EP400: variants seen among roughly 807,000 people sequenced by gnomAD.
EP400 encodes E1A binding protein p400, also known as E1A-binding protein p400.
In EP400, 105 loss-of-function variants were observed where a neutral mutation model predicts 354.1. That is an observed-to-expected ratio of 0.30 (90% CI 0.25 to 0.35). The LOEUF is 0.35. Among genes scored for constraint, EP400 ranks in the 10% least tolerant of loss-of-function variants. The probability of loss-of-function intolerance (pLI) is 1.00; values close to 1 mark genes in which losing one functional copy is unlikely to be tolerated. For missense variants in EP400, 3,280 were observed against 4,121.0 expected (o/e 0.80, Z 5.59); for synonymous variants, 1,646 against 1,716.9 (o/e 0.96, Z 1.02).
intron 2 of EP400, among the ~76,000 whole-genome samples, chr12:131,966,308 C>T (rs996980217): frequency 2.0e-5 from 3 of 152,130 alleles, no homozygotes; most frequent in African/African-American, 7.2e-5. Context: ...CATGATGGCT[C>T]ATGCCTGTAG....
chr12:132,056,205 C>A (rs914001007), intron 45 of EP400, among the ~76,000 whole-genome samples: 1 of 152,112 alleles, frequency 6.6e-6, no homozygotes, highest in Non-Finnish European at 1.5e-5. Context: ...AAATAGTTCA[C>A]AGACCCAGGG....
intron 30 of EP400, among the ~76,000 whole-genome samples, chr12:132,033,562 C>T (rs1310124420): frequency 2.7e-5 from 4 of 147,988 alleles, no homozygotes; most frequent in Non-Finnish European, 6.0e-5. Context: ...TTTTTTGAGA[C>T]GGTCTGTTGC....
intron 32 of EP400, among the ~76,000 whole-genome samples, chr12:132,039,464 C>T (rs1894822639): frequency 6.6e-6 from 1 of 152,068 alleles, no homozygotes; most frequent in Non-Finnish European, 1.5e-5. Flanking sequence ...ACAGGACGAA[C>T]AGGGTGAGAC....
intron 15 of EP400, 38 bp downstream of exon 15, chr12:132,006,915 C>T: frequency 1.9e-6 from 3 of 1,610,854 alleles, no homozygotes; most frequent in Non-Finnish European, 2.5e-6. Context: ...TACCTATTTG[C>T]TAGGACTTAC....
chr12:132,022,017 T>G (rs562465245), intron 23 of EP400, among the ~76,000 whole-genome samples: 12 of 152,312 alleles, frequency 7.9e-5, no homozygotes, highest in Non-Finnish European at 1.5e-4. Context: ...TATAGCCAAA[T>G]TATGTGGAGG....
At chr12:132,069,751 G>A in intron 51 of EP400, 110 bp downstream of exon 51, 11 of 1,477,178 alleles carry the variant, frequency 7.4e-6, no homozygotes, top group East Asian at 2.3e-5. Context: ...TGCACTGGGT[G>A]GTGCACTGGA....
chr12:132,025,529 GT>G lies in EP400; in HGVS notation c.4856-116del, dbSNP rs1894275768. ...AACTGAACTTTGCATTGATTTTTTT[GT>G]GTAGATTTGATTTTCAGTTTGTCAA... On this transcript the variant is annotated intron_variant, in intron 24 of 52. Transcript: ENST00000389561. The surrounding 1 kb of genome is among the most constrained non-coding windows in gnomAD (Gnocchi z 4.1). 1 of 1,224,932 alleles carries G rather than the reference GT, an allele frequency of 8.2e-7. No individual in the cohort carries two copies. Among genetic ancestry groups the G allele is most frequent in the Admixed American group, 3.1e-5 (1 of 32,356 alleles). 75.9% of individuals were successfully genotyped at this position (1,224,932 alleles called of 1,614,324 possible). A position where few individuals can be genotyped will look rare whatever the true frequency, so the allele number is the denominator to read the frequency against.
At chr12:131,988,761 AT>A in intron 7 of EP400, among the ~76,000 whole-genome samples, 1 of 152,092 alleles carries the variant, frequency 6.6e-6, no homozygotes, top group Non-Finnish European at 1.5e-5. Flanking sequence ...TATCCTCCTC[AT>A]TACTGTGTCG....
chr12:131,967,572 C>G (rs182494674), intron 2 of EP400, among the ~76,000 whole-genome samples: 121 of 151,784 alleles, frequency 8.0e-4, no homozygotes, highest in African/African-American at 2.7e-3. Flanking sequence ...CCGCTGTAGT[C>G]CCAGCTACTT....
chr12:131,984,649 C>T (rs930831112), intron 5 of EP400, among the ~76,000 whole-genome samples: 12 of 152,144 alleles, frequency 7.9e-5, no homozygotes, highest in African/African-American at 2.7e-4. Context: ...ATTTAATTTA[C>T]CTGCCTGTGT....
At position 132,018,856 on chromosome 12, in the gene EP400, G is replaced by A. The variant is rs1325339652; in HGVS notation, c.4277+480G>A. 6.6e-6 allele frequency among the ~76,000 whole-genome samples: 1 copy of A among 152,214 alleles called. No homozygotes were observed. The highest frequency in any genetic ancestry group is 1.5e-5 in the Non-Finnish European group (1 of 68,036). On this transcript the variant is annotated intron_variant, in intron 21 of 52. Transcript: ENST00000389561. The surrounding 1 kb of genome is among the most constrained non-coding windows in gnomAD (Gnocchi z 4.0). ...TAAAACGAGATATAAATGACTCATA[G>A]TCTAAATCTAGCAATTGGAAATATC...
rs1319148692 is a variant in EP400, at chr12:132,027,528, C to T, written c.5106C>T (p.Thr1702=). The change falls in exon 26 of 53, where the codon ACC becomes ACT. Residue 1702 remains threonine, a synonymous_variant. Transcript: ENST00000389561. This position sits in a 1 kb window ranked among gnomAD's most constrained non-coding sequence, Gnocchi z 4.9. ...SKPASPIGGP[T]QEEKTRLLKE... ...CAGCTTCTCCCATTGGAGGGCCGAC[C>T]CAGGTAAGCACCTGAGCTTGAGACC... is the stretch of plus-strand genomic sequence containing the variant. The T allele has an allele frequency of 3.7e-6, 6 of 1,610,896 alleles. No individual in the cohort carries two copies. Among genetic ancestry groups the T allele is most frequent in the Non-Finnish European group, 5.1e-6 (6 of 1,178,302 alleles).
Position 131,982,334 on chromosome 12 carries a change from G to A in EP400, c.1785G>A (p.Lys595=), listed in dbSNP as rs200420978. ...EAQTQLQIPV[K]TQQPNVPIPA... ...AGACACAGCTCCAAATCCCGGTGAA[G>A]ACTCAGCAGCCCAATGTTCCCATCC... The change falls in exon 5 of 53, where the codon AAG becomes AAA. Residue 595 remains lysine (K), a synonymous_variant. Coordinates refer to ENST00000389561, the MANE Select transcript of EP400 (RefSeq NM_015409.5). 2.0e-5 allele frequency: 32 copies of A among 1,614,024 alleles called. No homozygotes were observed. Among genetic ancestry groups the A allele is most frequent in the Middle Eastern group, 1.6e-4 (1 of 6,084 alleles).
At chr12:131,993,216 G>A (rs938014314) in intron 11 of EP400, among the ~76,000 whole-genome samples, 1 of 152,070 alleles carries the variant, frequency 6.6e-6, no homozygotes, top group African/African-American at 2.4e-5. Flanking sequence ...GTAGAGATGG[G>A]GTTTCACCAT....
At chr12:132,046,803 C>T (rs1895112520) in intron 39 of EP400, among the ~76,000 whole-genome samples, 2 of 152,244 alleles carry the variant, frequency 1.3e-5, no homozygotes, top group Non-Finnish European at 2.9e-5. Flanking sequence ...ACACCAGCAG[C>T]GTCTGCATGC....
chr12:132,022,068 A>T (rs937413896), intron 23 of EP400, among the ~76,000 whole-genome samples: 2 of 152,232 alleles, frequency 1.3e-5, no homozygotes, highest in Admixed American at 1.3e-4. Flanking sequence ...AGTGATGCAC[A>T]GAGACACTTG....
intron 15 of EP400, among the ~76,000 whole-genome samples, chr12:132,010,107 G>A (rs1226383022): frequency 4.2e-5 from 6 of 142,928 alleles, no homozygotes; most frequent in Admixed American, 2.8e-4. Flanking sequence ...TTTTTGAGAC[G>A]GAGTTTTGCT....
chr12:132,006,329 G>A, intron 14 of EP400, 27 bp downstream of exon 14: 2 of 1,609,620 alleles, frequency 1.2e-6, no homozygotes, highest in Admixed American at 1.7e-5. Context: ...TCAAGTGTGG[G>A]ATGGGCCTTT....
At position 132,064,887 on chromosome 12, in the gene EP400, G is replaced by A. The variant is rs756411417; in HGVS notation, c.8553+1G>A. On this transcript the variant is annotated splice_donor_variant, in intron 48 of 52. Transcript: ENST00000389561. LOFTEE classifies it high-confidence loss of function. ...GGCCAACCTCCAGGTGGCCCGGCTC[G>A]TAAGTGTCAGTTTCTGTTTGTTTTC... The A allele has an allele frequency of 1.2e-5, 19 of 1,600,696 alleles. No individual in the cohort carries two copies. Among genetic ancestry groups the A allele is most frequent in the Admixed American group, 3.5e-5 (2 of 57,874 alleles).
Sources: allele counts gnomAD v4.1 joint callset (sites outside exome capture counted in the v4.1 genomes callset), GRCh38; gene constraint gnomAD v4.1.1; non-coding constraint Gnocchi (gnomAD v3.1); transcripts MANE v1.5; gene names NCBI Gene and HGNC (gene_info 2026-07-23, HGNC 2026-07-21).